WWOX: variants seen among roughly 807,000 people sequenced by gnomAD.
WWOX encodes WW domain containing oxidoreductase, also known as WW domain-containing oxidoreductase.
In WWOX, 69 loss-of-function variants were observed where a neutral mutation model predicts 46.2. That is an observed-to-expected ratio of 1.49 (90% CI 1.23 to 1.82). The LOEUF is 1.82. WWOX is among the 40% of genes most tolerant of loss of function. The pLI is 0.00. For synonymous variants in WWOX, 359 were observed against 202.6 expected (o/e 1.77, Z -6.56); for missense variants, 919 against 542.6 (o/e 1.69, Z -6.89).
chr16:78,460,167 C>A (rs888534813), intron 8 of WWOX, among the ~76,000 whole-genome samples: 15 of 144,880 alleles, frequency 1.0e-4, no homozygotes, highest in Admixed American at 2.7e-4. Context: ...TCGCTCTTTT[C>A]CCCAGGCTGG....
chr16:78,453,463 G>A (rs752538642), intron 8 of WWOX, among the ~76,000 whole-genome samples: 31 of 152,140 alleles, frequency 2.0e-4, no homozygotes, highest in Non-Finnish European at 3.4e-4. Flanking sequence ...GATTTAAGAT[G>A]GTTTATAAAG....
chr16:78,539,284 G>T (rs2043830936), intron 8 of WWOX, among the ~76,000 whole-genome samples: 1 of 152,224 alleles, frequency 6.6e-6, no homozygotes, highest in Non-Finnish European at 1.5e-5. Flanking sequence ...CGTGAGCCTT[G>T]TCCTACTGGT....
chr16:78,242,085 C>A (rs921538882), intron 5 of WWOX, among the ~76,000 whole-genome samples: 1 of 152,194 alleles, frequency 6.6e-6, no homozygotes, highest in Admixed American at 6.5e-5. Context: ...AGCCTTGCCG[C>A]CCTGCAGACT....
intron 8 of WWOX, among the ~76,000 whole-genome samples, chr16:78,606,755 C>G (rs773685844): frequency 8.0e-5 from 11 of 136,954 alleles, no homozygotes; most frequent in Non-Finnish European, 1.4e-4. Context: ...ATAGGGGACG[C>G]TATTGTCATT....
rs184215562 is a variant in WWOX, at chr16:78,726,180, C to G, written c.1056+293428C>G. On this transcript the variant is annotated intron_variant, in intron 8 of 8. Transcript: ENST00000566780. ...CTCTTTCTGTGTCTCTCTTTTCTCTCTCTCTCTCTTTCCTTCCTTCCTTCC... is the reference window on the plus strand; with the variant it reads ...CTCTTTCTGTGTCTCTCTTTTCTCTGTCTCTCTCTTTCCTTCCTTCCTTCC... 1.8e-4 allele frequency among the ~76,000 whole-genome samples: 26 copies of G among 145,436 alleles called. No homozygotes were observed. The East Asian group carries it at 5.0e-3, about 28-fold the overall frequency.
intron 5 of WWOX, among the ~76,000 whole-genome samples, chr16:78,316,212 C>T (rs181128470): frequency 5.3e-5 from 8 of 152,144 alleles, no homozygotes; most frequent in Admixed American, 3.3e-4. Flanking sequence ...TGCTAGTGTA[C>T]TCCAGTCTGG....
intron 8 of WWOX, among the ~76,000 whole-genome samples, chr16:79,043,955 T>C (rs2048020034): frequency 6.6e-6 from 1 of 152,224 alleles, no homozygotes; most frequent in South Asian, 2.1e-4. Flanking sequence ...ACTTGTCTTC[T>C]GTGGTTTGGT....
intron 1 of WWOX, among the ~76,000 whole-genome samples, chr16:78,104,284 C>T (rs1192069252): frequency 1.4e-5 from 2 of 141,624 alleles, no homozygotes; most frequent in Non-Finnish European, 3.1e-5. Flanking sequence ...GCTGTCCTCA[C>T]TGTCAACTCT....
At chr16:78,889,928 G>T (rs12926355) in intron 8 of WWOX, among the ~76,000 whole-genome samples, 111,651 of 152,002 alleles carry the variant, frequency 0.73, 41,095 homozygotes, top group Middle Eastern at 0.8. Context: ...CCAAATTGTT[G>T]GTATTAAATT....
At chr16:78,597,760 G>GTGTATA (rs922166861) in intron 8 of WWOX, among the ~76,000 whole-genome samples, 6 of 144,902 alleles carry the variant, frequency 4.1e-5, no homozygotes, top group East Asian at 2.0e-4. Flanking sequence ...ATTTATATGT[G>GTGTATA]TATATATATA....
intron 8 of WWOX, 102 bp from the exon 9 acceptor site, chr16:79,211,506 A>T: frequency 6.8e-7 from 1 of 1,477,194 alleles, no homozygotes; most frequent in South Asian, 1.2e-5. Context: ...CTGAAACTGA[A>T]CCAGGTGGGG....
At chr16:78,889,195 A>T (rs770561914) in intron 8 of WWOX, among the ~76,000 whole-genome samples, 1 of 152,208 alleles carries the variant, frequency 6.6e-6, no homozygotes, top group South Asian at 2.1e-4. Flanking sequence ...TTGGCAAATG[A>T]CAGTCATTTT....
chr16:78,308,050 G>C (rs1239388931), intron 5 of WWOX, among the ~76,000 whole-genome samples: 1 of 151,150 alleles, frequency 6.6e-6, no homozygotes, highest in Non-Finnish European at 1.5e-5. Flanking sequence ...TTCCCATGGT[G>C]CCTGCACTAG....
At chr16:78,926,129 T>G (rs1222290448) in intron 8 of WWOX, among the ~76,000 whole-genome samples, 1 of 151,806 alleles carries the variant, frequency 6.6e-6, no homozygotes, top group East Asian at 1.9e-4. Flanking sequence ...ACTTTGGGAG[T>G]GGATGGACCC....
chr16:78,585,752 C>G (rs1218131572), intron 8 of WWOX, among the ~76,000 whole-genome samples: 1 of 147,684 alleles, frequency 6.8e-6, no homozygotes, highest in Admixed American at 6.9e-5. Context: ...AGGCCTGGTT[C>G]TGGTCCCTTC....
intron 4 of WWOX, among the ~76,000 whole-genome samples, chr16:78,159,372 T>C (rs2034709033): frequency 6.6e-6 from 1 of 152,080 alleles, no homozygotes; most frequent in Admixed American, 6.6e-5. Flanking sequence ...TCTTGTTTCG[T>C]TTTTTGAGGA....
chr16:78,830,671 T>G (rs2051794962), intron 8 of WWOX, among the ~76,000 whole-genome samples: 1 of 151,736 alleles, frequency 6.6e-6, no homozygotes, highest in African/African-American at 2.4e-5. Flanking sequence ...CAGCACCGAT[T>G]GGGGCTGACA....
chr16:78,621,482 C>G (rs1359543346), intron 8 of WWOX, among the ~76,000 whole-genome samples: 1 of 150,780 alleles, frequency 6.6e-6, no homozygotes, highest in East Asian at 2.0e-4. Context: ...TCTCCCTCTA[C>G]TTAGATACAC....
chr16:78,351,819 G>C (rs1297287022), intron 5 of WWOX, among the ~76,000 whole-genome samples: 1 of 152,120 alleles, frequency 6.6e-6, no homozygotes, highest in Non-Finnish European at 1.5e-5. Flanking sequence ...ACCAGGCCCA[G>C]CTAATTTTTA....
Sources: gnomAD v4.1 joint callset for allele counts (sites outside exome capture counted in the v4.1 genomes callset) on GRCh38, gnomAD v4.1.1 for gene constraint, MANE v1.5 for transcripts, NCBI Gene and HGNC (gene_info 2026-07-23, HGNC 2026-07-21) for gene names.